TMEM63A: variants seen among roughly 807,000 people sequenced by gnomAD.
TMEM63A encodes mechanosensitive cation channel TMEM63A.
In TMEM63A, 76 loss-of-function variants were observed where a neutral mutation model predicts 100.6. That is an observed-to-expected ratio of 0.76 (90% CI 0.63 to 0.91). The LOEUF is 0.91. Ranked by LOEUF, TMEM63A falls within the 40% of genes least tolerant of loss-of-function variation. The pLI is 0.00. For synonymous variants in TMEM63A, 401 were observed against 401.1 expected (o/e 1.00, Z 0.00); for missense variants, 876 against 1,008.8 (o/e 0.87, Z 1.78).
chr1:225,844,470 AGT>A, downstream of TMEM63A: 1 of 1,613,250 alleles, frequency 6.2e-7, no homozygotes, highest in Non-Finnish European at 8.5e-7. Context: ...TGGCACTGAG[AGT>A]GGGGCTTTGT....
At chr1:225,842,477 G>C, downstream of TMEM63A, 1 of 1,606,492 alleles carries the variant, frequency 6.2e-7, no homozygotes, top group African/African-American at 1.3e-5. Flanking sequence ...CTGGAAAGGT[G>C]AGGCCCTGGT....
chr1:225,850,175 A>T, intron 20 of TMEM63A, 96 bp from the exon 21 acceptor site: 1 of 1,446,038 alleles, frequency 6.9e-7, no homozygotes, highest in Non-Finnish European at 9.5e-7. Flanking sequence ...GCAAGGAGCC[A>T]GGGCTGGGGC....
Position 225,852,710 on chromosome 1 carries a change from A to G in TMEM63A, c.1857T>C (p.Thr619=). 1.2e-6 allele frequency: 2 copies of G among 1,613,890 alleles called. No homozygotes were observed. Among genetic ancestry groups the G allele is most frequent in the Non-Finnish European group, 1.7e-6 (2 of 1,180,044 alleles). ...AMYAWMLCVF[T]VIVAYSITCP... ...AAGTGATGCTGTAGGCCACGATGAC[A>G]GTGAAGACACACAGCATCCATGCAT... Residue 619 remains threonine, a synonymous_variant, in exon 20 of 25, where the codon ACT becomes ACC. Transcript: ENST00000366835.
intron 22 of TMEM63A, 46 bp from the exon 23 acceptor site, chr1:225,848,600 CTG>C (rs1559032344): frequency 6.2e-6 from 10 of 1,600,622 alleles, no homozygotes; most frequent in African/African-American, 1.3e-5. Flanking sequence ...AAACTGATCT[CTG>C]TGAACAAACA....
At position 225,853,730 on chromosome 1, in the gene TMEM63A, T is replaced by A. The variant is rs755723413; in HGVS notation, c.1696A>T (p.Ile566Phe). 2.5e-6 allele frequency: 4 copies of A among 1,604,536 alleles called. No individual in the cohort carries two copies. The highest frequency in any genetic ancestry group is 4.5e-5 in the East Asian group (2 of 44,566). Residue 566 changes from isoleucine to phenylalanine, a missense_variant, in exon 19 of 25, where the codon ATC (isoleucine) becomes TTC (phenylalanine). Ile to Phe is a conservative substitution (Grantham distance 21, BLOSUM62 0). Transcript: ENST00000366835. The surrounding 1 kb of genome is among the most constrained non-coding windows in gnomAD (Gnocchi z 4.0). ...CGCAGCAGCTCCATGCCATTGCCGA[T>A]GAAGGCCGAGGCGATGACATAGTTC... ...FVNYVIASAF[I>F]GNGMELLRLP... is the part of the protein sequence containing the mutation.
chr1:225,850,184 G>T, intron 20 of TMEM63A, 105 bp from the exon 21 acceptor site: 1 of 1,359,134 alleles, frequency 7.4e-7, no homozygotes, highest in Non-Finnish European at 1.0e-6. Flanking sequence ...CAGGGCTGGG[G>T]CTGCTGCTCT....
intron 3 of TMEM63A, among the ~76,000 whole-genome samples, chr1:225,876,685 G>A (rs1006019670): frequency 4.7e-5 from 7 of 149,624 alleles, no homozygotes; most frequent in African/African-American, 1.7e-4. Flanking sequence ...TCTCGCTCTT[G>A]TTGCACAGGC....
intron 17 of TMEM63A, 62 bp downstream of exon 17, chr1:225,856,590 G>A (rs1669627185): frequency 6.4e-7 from 1 of 1,557,878 alleles, no homozygotes. Flanking sequence ...ATTCTCCTGG[G>A]GACAGTGCTC....
chr1:225,848,237 G>C (rs1242004512), intron 23 of TMEM63A: 1 of 521,332 alleles, frequency 1.9e-6, no homozygotes, highest in Non-Finnish European at 3.4e-6. Context: ...GAGAAGGAAA[G>C]AGAGCAGGGA....
At chr1:225,859,445 T>C (rs1427172599) in intron 14 of TMEM63A, 96 bp from the exon 15 acceptor site, 10 of 1,476,396 alleles carry the variant, frequency 6.8e-6, no homozygotes, top group African/African-American at 1.4e-5. Context: ...ACCAAGAGAC[T>C]AGCCTGGGGG....
chr1:225,843,969 C>T (rs552206568), downstream of TMEM63A, among the ~76,000 whole-genome samples: 15 of 152,168 alleles, frequency 9.9e-5, no homozygotes, highest in East Asian at 2.7e-3. Flanking sequence ...GTTGGGAGGG[C>T]GTGCTCTGGG....
At chr1:225,863,734 T>C (rs1226813713) in intron 10 of TMEM63A, among the ~76,000 whole-genome samples, 1 of 151,828 alleles carries the variant, frequency 6.6e-6, no homozygotes, top group Admixed American at 6.6e-5. Flanking sequence ...CTGGCCAATG[T>C]GGTGAAACGC....
intron 15 of TMEM63A, among the ~76,000 whole-genome samples, chr1:225,858,783 C>G (rs189675897): frequency 6.6e-6 from 1 of 151,684 alleles, no homozygotes; most frequent in East Asian, 2.0e-4. Flanking sequence ...CTGCTTCTGT[C>G]AGGAGCCCTG....
chr1:225,848,807 C>A, intron 22 of TMEM63A, 90 bp downstream of exon 22: 1 of 1,091,202 alleles, frequency 9.2e-7, no homozygotes. Context: ...TGTGTTGATA[C>A]AGACAAGGGT....
At chr1:225,842,623 C>T (rs957087701), downstream of TMEM63A, 7 of 723,542 alleles carry the variant, frequency 9.7e-6, no homozygotes, top group African/African-American at 5.2e-5. Context: ...CTGTGACCAA[C>T]GTAGCTGCAT....
chr1:225,863,632 C>G (rs901362478), intron 10 of TMEM63A, among the ~76,000 whole-genome samples: 1 of 152,042 alleles, frequency 6.6e-6, no homozygotes, highest in African/African-American at 2.4e-5. Flanking sequence ...TAACAACCAG[C>G]AAGGCCAGGT....
At chr1:225,842,272 C>T (rs977196286), downstream of TMEM63A, 17 of 956,854 alleles carry the variant, frequency 1.8e-5, no homozygotes, top group South Asian at 1.2e-4. Flanking sequence ...CACACAGCCC[C>T]GCCCTCTGCG....
At chr1:225,860,132 C>G (rs990619645) in intron 14 of TMEM63A, 1 of 152,706 alleles carries the variant, frequency 6.5e-6, no homozygotes, top group African/African-American at 2.4e-5. Flanking sequence ...GTTTAGGAAG[C>G]CTTGTGAACC....
At chr1:225,844,988 AG>A (rs1668816546), downstream of TMEM63A, among the ~76,000 whole-genome samples, 4 of 152,218 alleles carry the variant, frequency 2.6e-5, no homozygotes, top group Admixed American at 2.6e-4. Context: ...GCCCTCAGTG[AG>A]GGGAGAGCGG....
Sources: gnomAD v4.1 joint callset for allele counts (sites outside exome capture counted in the v4.1 genomes callset) on GRCh38, gnomAD v4.1.1 for gene constraint, Gnocchi (gnomAD v3.1) non-coding constraint, MANE v1.5 for transcripts, NCBI Gene and HGNC (gene_info 2026-07-23, HGNC 2026-07-21) for gene names.